Variants in TENM1 observed in about 807,000 individuals in gnomAD.
TENM1 encodes teneurin transmembrane protein 1.
TENM1 carries 35 observed loss-of-function variants against 174.8 expected under a neutral mutation model. The ratio of observed to expected loss-of-function variants is 0.20; its 90% CI spans 0.15 to 0.27. TENM1 has a LOEUF of 0.27. TENM1 is among the 10% of genes least tolerant of loss of function. The pLI is 1.00. For missense variants in TENM1, 1,633 were observed against 2,130.1 expected (o/e 0.77, Z 4.59); for synonymous variants, 781 against 798.7 (o/e 0.98, Z 0.37).
chrX:124,440,185 C>A (rs754089978), intron 23 of TENM1, among the ~76,000 whole-genome samples: 2 of 112,024 alleles, frequency 1.8e-5, no homozygotes, highest in East Asian at 5.6e-4. Flanking sequence ...GTCTGGGTTG[C>A]ATAAGCAATA....
At chrX:124,925,110 A>G (rs1373599445) in intron 1 of TENM1, among the ~76,000 whole-genome samples, 1 of 108,740 alleles carries the variant, frequency 9.2e-6, no homozygotes, top group Non-Finnish European at 1.9e-5. Flanking sequence ...ATAAATATGG[A>G]GACAGAATTT....
At chrX:124,639,617 C>T (rs2050962111) in intron 11 of TENM1, among the ~76,000 whole-genome samples, 1 of 111,347 alleles carries the variant, frequency 9.0e-6, no homozygotes, top group Non-Finnish European at 1.9e-5. Context: ...CAAGTTATTT[C>T]ACCTCTCAGT....
At chrX:124,493,949 T>C (rs1234771761) in intron 20 of TENM1, among the ~76,000 whole-genome samples, 1 of 111,870 alleles carries the variant, frequency 8.9e-6, no homozygotes, top group Non-Finnish European at 1.9e-5. Flanking sequence ...TTTGCTACTA[T>C]AATTAAGAAA....
chrX:124,762,278 T>C (rs2054436975), intron 3 of TENM1, among the ~76,000 whole-genome samples: 1 of 111,839 alleles, frequency 8.9e-6, no homozygotes, highest in Non-Finnish European at 1.9e-5. Flanking sequence ...CTACAACATA[T>C]AAATTTGGGG....
At chrX:124,456,464 C>G (rs2061107395) in intron 22 of TENM1, among the ~76,000 whole-genome samples, 1 of 111,968 alleles carries the variant, frequency 8.9e-6, no homozygotes, top group Admixed American at 9.5e-5. Context: ...CCCCAAACAA[C>G]AATTTTGCAA....
At chrX:124,713,759 C>T (rs1421779811) in intron 4 of TENM1, among the ~76,000 whole-genome samples, 2 of 111,937 alleles carry the variant, frequency 1.8e-5, no homozygotes, top group Non-Finnish European at 3.8e-5. Context: ...TGTATGATGC[C>T]TTTGTTTCTT....
chrX:124,637,622 G>A (rs934278763), intron 11 of TENM1, among the ~76,000 whole-genome samples: 1 of 111,221 alleles, frequency 9.0e-6, no homozygotes, highest in Non-Finnish European at 1.9e-5. Context: ...TGTCCTCAGG[G>A]TCAAGTCCAA....
At chrX:124,408,329 G>A (rs1166195556) in intron 25 of TENM1, among the ~76,000 whole-genome samples, 1 of 109,981 alleles carries the variant, frequency 9.1e-6, no homozygotes, top group African/African-American at 3.3e-5. Flanking sequence ...TTTTAGTAGA[G>A]ATGTGTTTTC....
chrX:125,021,533 G>T, the TENM1 span, among the ~76,000 whole-genome samples: 1 of 111,212 alleles, frequency 9.0e-6, no homozygotes, highest in Non-Finnish European at 1.9e-5. Context: ...TCCCCTAGTA[G>T]GTTTCTTTAT....
intron 15 of TENM1, 54 bp downstream of exon 18, chrX:124,546,820 T>G: frequency 2.1e-6 from 2 of 964,594 alleles, no homozygotes; most frequent in Non-Finnish European, 1.5e-6. Flanking sequence ...CCTTTCGTAG[T>G]TCAGGAAAAA....
At chrX:124,839,303 A>G (rs183296961) in intron 3 of TENM1, among the ~76,000 whole-genome samples, 1 of 111,870 alleles carries the variant, frequency 8.9e-6, no homozygotes, top group African/African-American at 3.2e-5. Flanking sequence ...GATACAAACT[A>G]TATCGACTTT....
At chrX:124,379,176 G>A (rs954348847) in exon 32 of TENM1, 1 of 112,119 alleles carries the variant, frequency 8.9e-6, no homozygotes, top group East Asian at 2.8e-4. Context: ...TTAAATGATC[G>A]CAGAACAAAT....
intron 11 of TENM1, among the ~76,000 whole-genome samples, chrX:124,570,834 CT>C (rs926928979): frequency 9.0e-6 from 1 of 111,410 alleles, no homozygotes; most frequent in Non-Finnish European, 1.9e-5. Flanking sequence ...ATGTTAAAAT[CT>C]TTTTTTGTGT....
chrX:124,718,713 A>C (rs1380148580), intron 4 of TENM1, among the ~76,000 whole-genome samples: 2 of 112,023 alleles, frequency 1.8e-5, no homozygotes, highest in African/African-American at 6.5e-5. Context: ...GAAAGATGGG[A>C]AGGGAAAAAA....
At chrX:125,043,968 A>T in the TENM1 span, among the ~76,000 whole-genome samples, 1 of 22,554 alleles carries the variant, frequency 4.4e-5, no homozygotes, top group African/African-American at 2.1e-4. Context: ...GAACAATGAG[A>T]TCACATGGAC....
intron 5 of TENM1, among the ~76,000 whole-genome samples, chrX:124,676,501 T>TGA (rs376416284): frequency 1.1e-3 from 114 of 104,592 alleles, no homozygotes; most frequent in African/African-American, 3.8e-3. Context: ...TCCCTGATGC[T>TGA]GAGCCCTGTA....
the TENM1 span, among the ~76,000 whole-genome samples, chrX:125,047,464 G>A: frequency 9.0e-6 from 1 of 111,309 alleles, no homozygotes; most frequent in Non-Finnish European, 1.9e-5. Context: ...ATTTCTCAGG[G>A]ATATATGATG....
the TENM1 span, among the ~76,000 whole-genome samples, chrX:125,009,368 A>G: frequency 1.8e-5 from 2 of 111,726 alleles, no homozygotes; most frequent in African/African-American, 6.5e-5. Flanking sequence ...ACCAATATCA[A>G]GTTCTGAAAT....
intron 25 of TENM1, among the ~76,000 whole-genome samples, chrX:124,416,751 G>C (rs2060598212): frequency 9.0e-6 from 1 of 111,664 alleles, no homozygotes; most frequent in Non-Finnish European, 1.9e-5. Flanking sequence ...GTCTGAATTT[G>C]TCCCCCTAAA....
Sources: allele counts gnomAD v4.1 joint callset (sites outside exome capture counted in the v4.1 genomes callset), GRCh38; gene constraint gnomAD v4.1.1; transcripts MANE v1.5; gene names NCBI Gene and HGNC (gene_info 2026-07-23, HGNC 2026-07-21).